The following MAP2K5 variants were observed in gnomAD, a reference collection of about 807,000 sequenced individuals.
MAP2K5 encodes dual specificity mitogen-activated protein kinase kinase 5.
Under a neutral mutation model 83.1 loss-of-function variants are expected in MAP2K5, and 49 were observed. That is an observed-to-expected ratio of 0.59 (90% CI 0.47 to 0.75). The LOEUF is 0.75. MAP2K5 is among the 30% of genes least tolerant of loss of function. The pLI is 0.00. For synonymous variants in MAP2K5, 202 were observed against 191.8 expected (o/e 1.05, Z -0.44); for missense variants, 457 against 557.5 (o/e 0.82, Z 1.82).
rs1340487641 is a variant in MAP2K5, at chr15:67,552,621, G to T, written c.184+2539G>T. Among the ~76,000 whole-genome samples the T allele has an allele frequency of 6.6e-6, 1 of 152,034 alleles. No homozygotes were observed. Among genetic ancestry groups the T allele is most frequent in the Non-Finnish European group, 1.5e-5 (1 of 68,008 alleles). The stretch of plus-strand genomic sequence containing the variant: ...AGCTAATTAAAAAAATTTTTTTGTA[G>T]AAACGGGGTCTTGCTGTGTTGCTCA... On this transcript the variant is annotated intron_variant, in intron 2 of 21. Transcript: ENST00000178640. The surrounding 1 kb of genome is among the most constrained non-coding windows in gnomAD (Gnocchi z 4.2).
At chr15:67,590,468 T>TCTCTCTCTCTCTCTCTCTCTCTCTCC (rs59998974) in intron 6 of MAP2K5, among the ~76,000 whole-genome samples, 1 of 27,224 alleles carries the variant, frequency 3.7e-5, no homozygotes, top group Non-Finnish European at 7.5e-5. Context: ...TCTCTCTCTC[T>TCTCTCTCTCTCTCTCTCTCTCTCTCC]CTCTCTCTTT....
At chr15:67,586,414 T>TA (rs1318883514) in intron 5 of MAP2K5, among the ~76,000 whole-genome samples, 11 of 152,220 alleles carry the variant, frequency 7.2e-5, no homozygotes, top group Middle Eastern at 3.2e-3. Flanking sequence ...AAATATTTCA[T>TA]AATTAATTAT....
chr15:67,787,278 C>T (rs567484668), intron 21 of MAP2K5, among the ~76,000 whole-genome samples: 8 of 152,330 alleles, frequency 5.3e-5, no homozygotes, highest in African/African-American at 1.9e-4. Context: ...GATGGGAAAC[C>T]GAGTTCAGCG....
intron 3 of MAP2K5, among the ~76,000 whole-genome samples, chr15:67,576,747 A>T (rs2085071688): frequency 6.8e-6 from 1 of 147,346 alleles, no homozygotes; most frequent in African/African-American, 2.5e-5. Context: ...CTATATAATT[A>T]TTTCTGCATT....
intron 8 of MAP2K5, among the ~76,000 whole-genome samples, chr15:67,620,460 A>G (rs2086156023): frequency 6.6e-6 from 1 of 152,338 alleles, no homozygotes; most frequent in Non-Finnish European, 1.5e-5. Flanking sequence ...AATTTATAAC[A>G]CGAACATATA....
At chr15:67,806,407 G>T (rs1426810953) in intron 21 of MAP2K5, among the ~76,000 whole-genome samples, 1 of 152,188 alleles carries the variant, frequency 6.6e-6, no homozygotes, top group Non-Finnish European at 1.5e-5. Flanking sequence ...GGAAGAGGTG[G>T]CAGAGTCTGA....
intron 21 of MAP2K5, among the ~76,000 whole-genome samples, chr15:67,803,004 C>T (rs1310714394): frequency 6.6e-6 from 1 of 152,222 alleles, no homozygotes; most frequent in East Asian, 1.9e-4. Flanking sequence ...AGCCCAACTG[C>T]CTGGTTGGTT....
intron 19 of MAP2K5, among the ~76,000 whole-genome samples, chr15:67,767,828 G>A (rs1008717374): frequency 6.6e-6 from 1 of 152,120 alleles, no homozygotes; most frequent in Non-Finnish European, 1.5e-5. Context: ...TGTCGTCTCT[G>A]TGTAATGCCT....
intron 16 of MAP2K5, among the ~76,000 whole-genome samples, chr15:67,726,901 T>A (rs1287273665): frequency 2.6e-5 from 4 of 152,236 alleles, no homozygotes; most frequent in Non-Finnish European, 5.9e-5. Context: ...GTATGTTTGT[T>A]AAATTTTATC....
rs146888784 is a variant in MAP2K5 at position 67,774,202 on chromosome 15, T to TGTGTGTGA, written c.1242+1451_1242+1452insTGTGTGAG. On this transcript the variant is annotated intron_variant, in intron 21 of 21. Transcript: ENST00000178640. This position sits in a 1 kb window ranked among gnomAD's most constrained non-coding sequence, Gnocchi z 4.9. ...GTGTGTGTGTGTGTGTGTGTGTGTG[T>TGTGTGTGA]GAGAGAACATAGGTATTTAGATATA... Among the ~76,000 whole-genome samples the TGTGTGTGA allele has an allele frequency of 7.3e-5, 11 of 150,580 alleles. No individual in the cohort carries two copies. Among genetic ancestry groups the TGTGTGTGA allele is most frequent in the African/African-American group, 2.7e-4 (11 of 40,730 alleles).
At chr15:67,603,893 T>G (rs1014351453) in intron 8 of MAP2K5, among the ~76,000 whole-genome samples, 3 of 152,258 alleles carry the variant, frequency 2.0e-5, no homozygotes, top group Admixed American at 6.5e-5. Flanking sequence ...ATCCACTCAT[T>G]GGTAACAAAA....
chr15:67,665,042 A>G lies in MAP2K5; in HGVS notation c.847+397A>G, dbSNP rs545100697. The stretch of plus-strand genomic sequence containing the variant: ...GAGATTGCTTCACATACTGGAAAGA[A>G]AAACTTTATTTTTAATTTTTTTAAA... On this transcript the variant is annotated intron_variant, in intron 13 of 21. Coordinates refer to ENST00000178640, the MANE Select transcript of MAP2K5 (RefSeq NM_145160.3). The surrounding 1 kb of genome is among the most constrained non-coding windows in gnomAD (Gnocchi z 4.2). Among the ~76,000 whole-genome samples, 11 of 152,308 alleles carry G rather than the reference A, an allele frequency of 7.2e-5. No homozygotes were observed. The South Asian group carries it at 2.3e-3, about 32-fold the overall frequency.
chr15:67,696,589 A>T (rs551837874), intron 15 of MAP2K5, among the ~76,000 whole-genome samples: 133 of 152,292 alleles, frequency 8.7e-4, no homozygotes, highest in Middle Eastern at 3.4e-3. Flanking sequence ...TCTATAATGT[A>T]GATAAGACTT....
intron 19 of MAP2K5, among the ~76,000 whole-genome samples, chr15:67,766,867 T>C (rs2090050800): frequency 1.3e-5 from 2 of 152,218 alleles, no homozygotes; most frequent in Admixed American, 6.5e-5. Context: ...ATGTGTGGCA[T>C]TCTCACCATC....
Position 67,587,977 on chromosome 15 carries a change from G to A in MAP2K5, c.431+1064G>A, listed in dbSNP as rs760831248. ...CCAGATCACTGCCACAGCCTCCTGA[G>A]AGTCTACTCCCTCCGTTCTTGGCCC... is the stretch of plus-strand genomic sequence containing the variant. On this transcript the variant is annotated intron_variant, in intron 6 of 21. Coordinates refer to ENST00000178640, the MANE Select transcript of MAP2K5 (RefSeq NM_145160.3). The surrounding 1 kb of genome is among the most constrained non-coding windows in gnomAD (Gnocchi z 4.8). 3.2e-6 allele frequency: 1 copy of A among 316,608 alleles called. No homozygotes were observed. The highest frequency in any genetic ancestry group is 1.7e-4 in the East Asian group (1 of 5,880). 19.6% of individuals were successfully genotyped at this position (316,608 alleles called of 1,614,324 possible).
intron 19 of MAP2K5, among the ~76,000 whole-genome samples, chr15:67,763,522 T>C (rs1346622745): frequency 6.6e-6 from 1 of 152,206 alleles, no homozygotes; most frequent in Non-Finnish European, 1.5e-5. Context: ...TATTAAAATA[T>C]AGCTGATTTC....
chr15:67,770,275 C>T lies in MAP2K5; in HGVS notation c.1196+612C>T, dbSNP rs1373991329. Among the ~76,000 whole-genome samples the T allele has an allele frequency of 6.6e-6, 1 of 152,194 alleles. No homozygotes were observed. Among genetic ancestry groups the T allele is most frequent in the African/African-American group, 2.4e-5 (1 of 41,454 alleles). On this transcript the variant is annotated intron_variant, in intron 20 of 21. Coordinates refer to ENST00000178640, the MANE Select transcript of MAP2K5 (RefSeq NM_145160.3). This position sits in a 1 kb window ranked among gnomAD's most constrained non-coding sequence, Gnocchi z 5.0. The stretch of plus-strand genomic sequence containing the variant: ...GTCATTTTATATCTGAAGAAACAAG[C>T]ATTTTACTGCCAAGGGTTCTTTGCC...
intron 13 of MAP2K5, among the ~76,000 whole-genome samples, chr15:67,669,264 A>AGTAAG (rs2087466105): frequency 6.6e-6 from 1 of 152,194 alleles, no homozygotes; most frequent in Non-Finnish European, 1.5e-5. Flanking sequence ...TTCTTAAACA[A>AGTAAG]TAACATACAT....
rs1056595752 is a variant in MAP2K5, at chr15:67,749,608, A to T, written c.1134+1007A>T. The stretch of plus-strand genomic sequence containing the variant: ...TAAACACACACACACATATCACAAT[A>T]ATAGTAAGAGTGGGGCTCTAACATC... On this transcript the variant is annotated intron_variant, in intron 19 of 21. Transcript: ENST00000178640. This position sits in a 1 kb window ranked among gnomAD's most constrained non-coding sequence, Gnocchi z 4.6. 3.9e-5 allele frequency among the ~76,000 whole-genome samples: 6 copies of T among 152,244 alleles called. No individual in the cohort carries two copies. Among genetic ancestry groups the T allele is most frequent in the Non-Finnish European group, 7.3e-5 (5 of 68,052 alleles).
Sources: allele counts gnomAD v4.1 joint callset (sites outside exome capture counted in the v4.1 genomes callset), GRCh38; gene constraint gnomAD v4.1.1; non-coding constraint Gnocchi (gnomAD v3.1); transcripts MANE v1.5; gene names NCBI Gene and HGNC (gene_info 2026-07-23, HGNC 2026-07-21).